OXCT1: variants seen among roughly 807,000 people sequenced by gnomAD.
OXCT1 encodes succinyl-CoA:3-ketoacid coenzyme A transferase 1, mitochondrial.
Under a neutral mutation model 69.6 loss-of-function variants are expected in OXCT1, and 27 were observed. The ratio of observed to expected loss-of-function variants is 0.39; its 90% CI spans 0.29 to 0.54. OXCT1 has a LOEUF of 0.54. Among genes scored for constraint, OXCT1 ranks in the 20% least tolerant of loss-of-function variants. The pLI is 0.72. For missense variants in OXCT1, 437 were observed against 650.2 expected (o/e 0.67, Z 3.57); for synonymous variants, 202 against 217.8 (o/e 0.93, Z 0.64).
chr5:41,861,425 A>G (rs1307825895), intron 2 of OXCT1, 21 bp from the exon 3 acceptor site: 1 of 1,401,248 alleles, frequency 7.1e-7, no homozygotes, highest in East Asian at 2.3e-5. Context: ...CCCAAAAAAT[A>G]AACAATTTGT....
At chr5:41,776,459 T>C (rs1745125657) in intron 13 of OXCT1, among the ~76,000 whole-genome samples, 1 of 152,268 alleles carries the variant, frequency 6.6e-6, no homozygotes, top group Non-Finnish European at 1.5e-5. Context: ...CCTGTTCCTG[T>C]GTTTTTTTGT....
chr5:41,756,169 C>T (rs1032424082), intron 14 of OXCT1, among the ~76,000 whole-genome samples: 1 of 152,006 alleles, frequency 6.6e-6, no homozygotes, highest in African/African-American at 2.4e-5. Context: ...AAATCTAAAC[C>T]TGTTTTAGTA....
At chr5:41,780,675 T>C (rs1274571639) in intron 13 of OXCT1, among the ~76,000 whole-genome samples, 1 of 152,206 alleles carries the variant, frequency 6.6e-6, no homozygotes, top group Non-Finnish European at 1.5e-5. Flanking sequence ...AGTTTTCCTT[T>C]ATATTAGCAA....
At chr5:41,844,107 A>C (rs542962199) in intron 5 of OXCT1, among the ~76,000 whole-genome samples, 6 of 152,366 alleles carry the variant, frequency 3.9e-5, no homozygotes, top group Non-Finnish European at 7.3e-5. Flanking sequence ...TTCTAGTTAC[A>C]TAATTTTCTG....
At chr5:41,855,763 G>C (rs1203189916) in intron 3 of OXCT1, among the ~76,000 whole-genome samples, 2 of 152,184 alleles carry the variant, frequency 1.3e-5, no homozygotes, top group Non-Finnish European at 2.9e-5. Flanking sequence ...TTACAACAGA[G>C]GGAGAGACAT....
chr5:41,795,519 A>G (rs1334429434), intron 11 of OXCT1, among the ~76,000 whole-genome samples: 1 of 152,194 alleles, frequency 6.6e-6, no homozygotes, highest in Non-Finnish European at 1.5e-5. Flanking sequence ...TGAGACAGAG[A>G]GACTGTGGAA....
At chr5:41,803,512 G>A (rs1169427569) in intron 9 of OXCT1, among the ~76,000 whole-genome samples, 1 of 151,986 alleles carries the variant, frequency 6.6e-6, no homozygotes, top group African/African-American at 2.4e-5. Context: ...GACTTTTAAA[G>A]AATGATTTTC....
At chr5:41,812,767 G>C (rs1171811623) in intron 7 of OXCT1, among the ~76,000 whole-genome samples, 1 of 151,958 alleles carries the variant, frequency 6.6e-6, no homozygotes, top group Non-Finnish European at 1.5e-5. Context: ...TGATTATGAA[G>C]AAATTCAATT....
At chr5:41,829,357 A>G (rs941926120) in intron 7 of OXCT1, among the ~76,000 whole-genome samples, 8 of 152,142 alleles carry the variant, frequency 5.3e-5, no homozygotes, top group African/African-American at 1.9e-4. Flanking sequence ...GCTAGGATAA[A>G]ATTCACCAAT....
chr5:41,855,760 A>C (rs1408841340), intron 3 of OXCT1, among the ~76,000 whole-genome samples: 1 of 152,246 alleles, frequency 6.6e-6, no homozygotes, highest in East Asian at 1.9e-4. Context: ...TAATTACAAC[A>C]GAGGGAGAGA....
At chr5:41,792,347 A>C (rs925960031) in intron 13 of OXCT1, among the ~76,000 whole-genome samples, 2 of 152,184 alleles carry the variant, frequency 1.3e-5, no homozygotes, top group African/African-American at 4.8e-5. Context: ...GCTCTTACCT[A>C]CTAAGCTAAG....
intron 15 of OXCT1, among the ~76,000 whole-genome samples, chr5:41,743,194 C>T (rs1743273180): frequency 6.6e-6 from 1 of 152,174 alleles, no homozygotes; most frequent in Non-Finnish European, 1.5e-5. Flanking sequence ...GATGGTATCT[C>T]ATTGTGGCTT....
chr5:41,731,184 C>T lies in OXCT1; in HGVS notation c.*545G>A. On this transcript the variant is annotated 3_prime_UTR_variant, in exon 17 of 17. Transcript: ENST00000196371. ...CCTGCCCTCCCCCACAAGAGGCATT[C>T]CTGCTTGCCTTCTTGGGCATCTGTT... 1 of 162,522 alleles carries T rather than the reference C, an allele frequency of 6.2e-6. No homozygotes were observed. The highest frequency in any genetic ancestry group is 1.9e-4 in the East Asian group (1 of 5,388). The allele number at this position is 162,522 out of a possible 1,614,324, so 10.1% of individuals were successfully genotyped here. A position where few individuals can be genotyped will look rare whatever the true frequency, so the allele number is the denominator to read the frequency against.
At chr5:41,779,487 C>T (rs1036648352) in intron 13 of OXCT1, among the ~76,000 whole-genome samples, 6 of 152,002 alleles carry the variant, frequency 3.9e-5, no homozygotes, top group African/African-American at 1.5e-4. Context: ...GTTTTCTGGA[C>T]CATACTGTAT....
intron 1 of OXCT1, among the ~76,000 whole-genome samples, chr5:41,867,903 A>T (rs908050887): frequency 6.6e-6 from 1 of 152,238 alleles, no homozygotes; most frequent in Non-Finnish European, 1.5e-5. Context: ...AATAATGAAG[A>T]AAAGAAGATA....
At chr5:41,809,432 C>A (rs1746853527) in intron 7 of OXCT1, among the ~76,000 whole-genome samples, 1 of 151,930 alleles carries the variant, frequency 6.6e-6, no homozygotes, top group Non-Finnish European at 1.5e-5. Context: ...CTAAGAAAAA[C>A]TGAAGTTTCT....
At chr5:41,843,846 T>C (rs1211943272) in intron 5 of OXCT1, among the ~76,000 whole-genome samples, 1 of 152,164 alleles carries the variant, frequency 6.6e-6, no homozygotes, top group East Asian at 1.9e-4. Context: ...AGTTGCCTGC[T>C]AGAAAAAAGA....
Position 41,839,133 on chromosome 5 carries a change from A to G in OXCT1, c.732+1318T>C, listed in dbSNP as rs1748512528. On this transcript the variant is annotated intron_variant, in intron 7 of 16. Coordinates refer to ENST00000196371, the MANE Select transcript of OXCT1 (RefSeq NM_000436.4). ...AAGGATTTTCTCTCCTTAGGCCAAA[A>G]GAGAGCCTCTCTTTCCTAATACCTG... Among the ~76,000 whole-genome samples the G allele has an allele frequency of 1.3e-5, 2 of 152,216 alleles. 1 individual carries two copies. The highest frequency in any genetic ancestry group is 4.1e-4 in the South Asian group (2 of 4,838).
chr5:41,736,509 C>CT (rs900961409), intron 16 of OXCT1, among the ~76,000 whole-genome samples: 12 of 152,022 alleles, frequency 7.9e-5, no homozygotes, highest in East Asian at 1.9e-4. Flanking sequence ...CTTAGTAATT[C>CT]TTTTTTTTAA....
Sources: gnomAD v4.1 joint callset for allele counts (sites outside exome capture counted in the v4.1 genomes callset) on GRCh38, gnomAD v4.1.1 for gene constraint, MANE v1.5 for transcripts, NCBI Gene and HGNC (gene_info 2026-07-23, HGNC 2026-07-21) for gene names.